The following GRM1 variants were observed in gnomAD, a reference collection of about 807,000 sequenced individuals.
GRM1 encodes glutamate metabotropic receptor 1.
In GRM1, 33 loss-of-function variants were observed where a neutral mutation model predicts 90.9. The observed-to-expected ratio is 0.36, with a 90% CI of 0.28 to 0.49. The LOEUF is 0.49. Among genes scored for constraint, GRM1 ranks in the 20% least tolerant of loss-of-function variants. The pLI is 0.99. For missense variants in GRM1, 1,190 were observed against 1,534.3 expected (o/e 0.78, Z 3.75); for synonymous variants, 700 against 613.2 (o/e 1.14, Z -2.09).
Position 146,352,495 on chromosome 6 carries a change from A to C in GRM1, c.1432A>C (p.Arg478=), listed in dbSNP as rs1475524479. 1.2e-6 allele frequency: 2 copies of C among 1,613,640 alleles called. No homozygotes were observed. The highest frequency in any genetic ancestry group is 2.2e-5 in the East Asian group (1 of 44,870). The part of the protein sequence containing the change: ...WFDEKGDAPG[R]YDIMNLQYTE... ...TGATGAGAAAGGAGACGCTCCTGGAAGGTAATCTTTTCAGTAATCAATCTA... is the reference window on the plus strand; with the variant it reads ...TGATGAGAAAGGAGACGCTCCTGGACGGTAATCTTTTCAGTAATCAATCTA... The change falls in exon 4 of 8, where the codon AGG becomes CGG. Residue 478 remains arginine, a splice_region_variant and synonymous_variant. Coordinates refer to ENST00000282753, the MANE Select transcript of GRM1 (RefSeq NM_001278064.2).
intron 2 of GRM1, among the ~76,000 whole-genome samples, chr6:146,247,602 T>C (rs1447617026): frequency 6.6e-6 from 1 of 151,464 alleles, no homozygotes; most frequent in East Asian, 1.9e-4. Context: ...TACAAAAATA[T>C]TAGTCGAGCA....
intron 2 of GRM1, among the ~76,000 whole-genome samples, chr6:146,286,221 A>G (rs1472737390): frequency 6.6e-6 from 1 of 152,150 alleles, no homozygotes; most frequent in African/African-American, 2.4e-5. Context: ...TGACACCTAA[A>G]TATGTAACTA....
chr6:146,434,007 C>A lies in GRM1; in HGVS notation c.2796C>A (p.Pro932=). 1 of 1,614,158 alleles carries A rather than the reference C, an allele frequency of 6.2e-7. No homozygotes were observed. Residue 932 remains proline, a synonymous_variant, in exon 8 of 8, where the codon CCC becomes CCA. Coordinates refer to ENST00000282753, the MANE Select transcript of GRM1 (RefSeq NM_001278064.2). Reference sequence around the variant, plus strand: ...GCAACCAAACAGCCGTCATCAAGCCCCTCACTAAAAGTTACCAAGGCTCTG... The same window carrying A: ...GCAACCAAACAGCCGTCATCAAGCCACTCACTAAAAGTTACCAAGGCTCTG... ...TACNQTAVIK[P]LTKSYQGSGK...
chr6:146,278,641 G>C (rs1263117868), intron 2 of GRM1, among the ~76,000 whole-genome samples: 1 of 152,034 alleles, frequency 6.6e-6, no homozygotes, highest in East Asian at 1.9e-4. Context: ...AAAATTAGCC[G>C]GGTGTGGTGG....
At chr6:146,303,996 C>CT (rs772237903) in intron 2 of GRM1, among the ~76,000 whole-genome samples, 6 of 152,048 alleles carry the variant, frequency 3.9e-5, no homozygotes, top group Non-Finnish European at 7.4e-5. Context: ...AAGGAGAATT[C>CT]TTTTTATAAT....
intron 2 of GRM1, among the ~76,000 whole-genome samples, chr6:146,219,992 C>T (rs1277944124): frequency 1.3e-5 from 2 of 151,706 alleles, no homozygotes; most frequent in Non-Finnish European, 2.9e-5. Flanking sequence ...GGGAAGGTAT[C>T]AAGGAGGTAG....
intron 2 of GRM1, among the ~76,000 whole-genome samples, chr6:146,206,020 A>G (rs1041269551): frequency 1.3e-5 from 2 of 152,202 alleles, no homozygotes; most frequent in African/African-American, 2.4e-5. Flanking sequence ...GAAGGTGATT[A>G]AAGAAAGGAA....
chr6:146,306,815 G>A (rs1447000772), intron 3 of GRM1, among the ~76,000 whole-genome samples: 1 of 152,134 alleles, frequency 6.6e-6, no homozygotes, highest in African/African-American at 2.4e-5. Context: ...TGACAGAATT[G>A]TCAAGAATAA....
At chr6:146,188,170 T>A (rs9485054) in intron 2 of GRM1, among the ~76,000 whole-genome samples, 37,812 of 152,080 alleles carry the variant, frequency 0.25, 8,224 homozygotes, top group African/African-American at 0.59. Context: ...CACTGAGATG[T>A]CTGAAATAGC....
chr6:146,179,794 C>T (rs1040075563), intron 2 of GRM1, among the ~76,000 whole-genome samples: 2 of 152,158 alleles, frequency 1.3e-5, no homozygotes, highest in African/African-American at 4.8e-5. Context: ...GGATTACAGG[C>T]GTGAGCCACC....
intron 5 of GRM1, among the ~76,000 whole-genome samples, chr6:146,382,328 AAAAAAAAAAAC>A (rs1776347413): frequency 6.6e-6 from 1 of 151,746 alleles, no homozygotes; most frequent in Non-Finnish European, 1.5e-5. Context: ...GATTTAAAAA[AAAAAAAAAAAC>A]AACTTGTCTG....
Position 146,043,782 on chromosome 6 carries a change from G to GATATATACATAT in GRM1, c.700+13572_700+13573insCATATATATATA, listed in dbSNP as rs1554260502. On this transcript the variant is annotated intron_variant, in intron 1 of 7. Transcript: ENST00000282753. Reference sequence around the variant, plus strand: ...ACTCTATTTTTGGAAAGAGTCAGGTGATATATATATATATATATATATATA... The same window carrying GATATATACATAT: ...ACTCTATTTTTGGAAAGAGTCAGGTGATATATACATATATATATATATATATATATATATATA... Among the ~76,000 whole-genome samples, 130 of 89,982 alleles carry GATATATACATAT rather than the reference G, an allele frequency of 1.4e-3. 1 individual carries two copies. Among genetic ancestry groups the GATATATACATAT allele is most frequent in the African/African-American group, 4.3e-3 (126 of 29,476 alleles). 59.0% of individuals were successfully genotyped at this position (89,982 alleles called of 152,430 possible). A position where few individuals can be genotyped will look rare whatever the true frequency, so the allele number is the denominator to read the frequency against.
At chr6:146,121,422 G>A (rs1775985941) in intron 1 of GRM1, among the ~76,000 whole-genome samples, 1 of 151,956 alleles carries the variant, frequency 6.6e-6, no homozygotes, top group South Asian at 2.1e-4. Context: ...AGGGTTTTTT[G>A]TGTCTCTATC....
At position 146,077,805 on chromosome 6, in the gene GRM1, A is replaced by G. The variant is rs181283493; in HGVS notation, c.700+47588A>G. Among the ~76,000 whole-genome samples the G allele has an allele frequency of 9.8e-5, 15 of 152,288 alleles. No homozygotes were observed. The East Asian group carries it at 2.7e-3, about 28-fold the overall frequency. On this transcript the variant is annotated intron_variant, in intron 1 of 7. Coordinates refer to ENST00000282753, the MANE Select transcript of GRM1 (RefSeq NM_001278064.2). ...TCATACACCAGGCCCTGGTATGGGC[A>G]TAGAGGTAATTCTCTATTTCACTTT...
intron 3 of GRM1, among the ~76,000 whole-genome samples, chr6:146,328,034 C>G (rs577321533): frequency 6.6e-6 from 1 of 152,240 alleles, no homozygotes; most frequent in Admixed American, 6.5e-5. Context: ...TCCTACATCA[C>G]AATTTATTTG....
Position 146,159,604 on chromosome 6 carries a change from TTCTCTCTCTCTCTC to T in GRM1, c.950+32_950+45del, listed in dbSNP as rs72225459. On this transcript the variant is annotated splice_region_variant and intron_variant, in intron 2 of 7. Coordinates refer to ENST00000282753, the MANE Select transcript of GRM1 (RefSeq NM_001278064.2). ...AGTTCTCACTCATTGGAAGGTAAGT[TTCTCTCTCTCTCTC>T]TCTCTCTCTCTCTCTCTCTCTCTCA... The T allele has an allele frequency of 0.013, 15,298 of 1,210,462 alleles. 988 individuals are homozygous for T. In the African/African-American group the frequency reaches 0.18, roughly 14 times the overall value. 75.0% of individuals were successfully genotyped at this position (1,210,462 alleles called of 1,614,324 possible).
intron 1 of GRM1, among the ~76,000 whole-genome samples, chr6:146,034,541 T>C (rs1790816124): frequency 6.6e-6 from 1 of 151,996 alleles, no homozygotes; most frequent in South Asian, 2.1e-4. Flanking sequence ...CCTTTAAATG[T>C]AAAATTATTA....
At chr6:146,305,796 C>T (rs906145957) in intron 3 of GRM1, among the ~76,000 whole-genome samples, 5 of 152,106 alleles carry the variant, frequency 3.3e-5, no homozygotes, top group African/African-American at 1.2e-4. Context: ...GTATAAAACA[C>T]TGTATATAGC....
intron 2 of GRM1, among the ~76,000 whole-genome samples, chr6:146,176,829 G>A (rs894312214): frequency 6.6e-6 from 1 of 151,830 alleles, no homozygotes; most frequent in Non-Finnish European, 1.5e-5. Flanking sequence ...TTTTTAACTA[G>A]CATCCATAAT....
Sources: allele counts gnomAD v4.1 joint callset (sites outside exome capture counted in the v4.1 genomes callset), GRCh38; gene constraint gnomAD v4.1.1; transcripts MANE v1.5; gene names NCBI Gene and HGNC (gene_info 2026-07-23, HGNC 2026-07-21).